SLC2A13: variants seen among roughly 807,000 people sequenced by gnomAD.
SLC2A13 encodes the protein proton myo-inositol cotransporter.
SLC2A13 carries 32 observed loss-of-function variants against 64.4 expected under a neutral mutation model. That is an observed-to-expected ratio of 0.50 (90% CI 0.37 to 0.67). SLC2A13 has a LOEUF of 0.67. Ranked by LOEUF, SLC2A13 falls within the 30% of genes least tolerant of loss-of-function variation. The probability of loss-of-function intolerance (pLI) is 0.00; values close to 1 mark genes in which losing one functional copy is unlikely to be tolerated. For synonymous variants in SLC2A13, 338 were observed against 327.1 expected (o/e 1.03, Z -0.36); for missense variants, 743 against 829.2 (o/e 0.90, Z 1.28).
chr12:40,005,823 G>A (rs1377050598), intron 3 of SLC2A13, among the ~76,000 whole-genome samples: 1 of 152,158 alleles, frequency 6.6e-6, no homozygotes, highest in Non-Finnish European at 1.5e-5. Flanking sequence ...GGGTATCCTG[G>A]AATCAAGCCC....
intron 5 of SLC2A13, among the ~76,000 whole-genome samples, chr12:39,869,866 C>T (rs1388859278): frequency 6.6e-6 from 1 of 152,194 alleles, no homozygotes; most frequent in Non-Finnish European, 1.5e-5. Context: ...ATGCTCAGAG[C>T]CCTTTACTCT....
chr12:40,028,550 C>A, intron 2 of SLC2A13, 41 bp from the exon 3 acceptor site: 1 of 1,600,754 alleles, frequency 6.2e-7, no homozygotes, highest in South Asian at 1.1e-5. Context: ...AAAATTTGCT[C>A]TTACCATCAT....
chr12:39,859,767 C>T (rs1943709484), intron 6 of SLC2A13, among the ~76,000 whole-genome samples: 2 of 152,074 alleles, frequency 1.3e-5, no homozygotes, highest in Admixed American at 1.3e-4. Flanking sequence ...CCTTGGTGAT[C>T]CGCCTGACTT....
At chr12:40,086,648 T>C (rs945847078) in intron 1 of SLC2A13, among the ~76,000 whole-genome samples, 3 of 152,180 alleles carry the variant, frequency 2.0e-5, no homozygotes, top group African/African-American at 7.2e-5. Flanking sequence ...GCAAATCAGT[T>C]ACAAATACGA....
chr12:39,815,799 T>C (rs550347478), intron 7 of SLC2A13, among the ~76,000 whole-genome samples: 2 of 152,320 alleles, frequency 1.3e-5, no homozygotes, highest in East Asian at 3.9e-4. Flanking sequence ...CAAATAAATG[T>C]TGTTTTAGTT....
chr12:39,852,925 A>G (rs1943508631), intron 6 of SLC2A13, among the ~76,000 whole-genome samples: 1 of 152,222 alleles, frequency 6.6e-6, no homozygotes, highest in South Asian at 2.1e-4. Context: ...TAAATAGCCA[A>G]TGGGAAACCT....
intron 7 of SLC2A13, among the ~76,000 whole-genome samples, chr12:39,822,463 T>C (rs1421042946): frequency 1.3e-5 from 2 of 152,222 alleles, no homozygotes; most frequent in African/African-American, 4.8e-5. Context: ...ATTTACTGTA[T>C]TGGCACCAGC....
At chr12:40,042,254 G>A (rs905867272) in intron 2 of SLC2A13, among the ~76,000 whole-genome samples, 1 of 151,742 alleles carries the variant, frequency 6.6e-6, no homozygotes, top group Non-Finnish European at 1.5e-5. Flanking sequence ...TTTTAAAGTA[G>A]ATCTAGGAAT....
intron 4 of SLC2A13, among the ~76,000 whole-genome samples, chr12:39,901,967 A>C (rs1945128351): frequency 6.6e-6 from 1 of 152,140 alleles, no homozygotes; most frequent in African/African-American, 2.4e-5. Context: ...GATAGACTGG[A>C]TTAAGAAAAT....
At chr12:40,040,637 C>T (rs1461397156) in intron 2 of SLC2A13, among the ~76,000 whole-genome samples, 1 of 152,146 alleles carries the variant, frequency 6.6e-6, no homozygotes, top group Non-Finnish European at 1.5e-5. Context: ...GGTGATCCAC[C>T]AGCTTTGGCC....
chr12:40,060,999 AATAAAG>A (rs1163667516), intron 1 of SLC2A13, among the ~76,000 whole-genome samples: 4 of 152,160 alleles, frequency 2.6e-5, no homozygotes, highest in African/African-American at 4.8e-5. Flanking sequence ...TATTATTCAG[AATAAAG>A]ATAAAGATAT....
chr12:40,007,145 G>T (rs1259215945), intron 3 of SLC2A13, among the ~76,000 whole-genome samples: 1 of 152,152 alleles, frequency 6.6e-6, no homozygotes, highest in Non-Finnish European at 1.5e-5. Flanking sequence ...TTGCTCTGTG[G>T]CTGAGAGAAG....
chr12:39,965,249 GATCAATACCAAAAATGAATTA>G (rs147222298), intron 3 of SLC2A13, among the ~76,000 whole-genome samples: 8,667 of 152,124 alleles, frequency 0.057, 381 homozygotes, highest in Middle Eastern at 0.14. Context: ...TCCCTTATGA[GATCAATACCAAAAATGAATTA>G]ATATTGAAAA....
intron 7 of SLC2A13, among the ~76,000 whole-genome samples, chr12:39,777,937 G>T (rs1199522210): frequency 2.0e-5 from 3 of 152,212 alleles, no homozygotes; most frequent in Non-Finnish European, 4.4e-5. Flanking sequence ...TAAGGCAGGG[G>T]TCTAATTGAG....
chr12:39,907,349 AATT>A (rs1236715843), intron 4 of SLC2A13, among the ~76,000 whole-genome samples: 7 of 152,128 alleles, frequency 4.6e-5, no homozygotes, highest in Admixed American at 1.3e-4. Context: ...TGATTTTCCT[AATT>A]TTCTCAATGA....
intron 7 of SLC2A13, among the ~76,000 whole-genome samples, chr12:39,780,808 C>A (rs574171348): frequency 6.6e-6 from 1 of 152,178 alleles, no homozygotes; most frequent in South Asian, 2.1e-4. Context: ...ATGATTTTCT[C>A]TGATACAGTC....
intron 4 of SLC2A13, among the ~76,000 whole-genome samples, chr12:39,924,184 A>G (rs1469829445): frequency 6.6e-6 from 1 of 152,180 alleles, no homozygotes; most frequent in African/African-American, 2.4e-5. Context: ...GGCCTTCCAG[A>G]AAGCCCAAAA....
At chr12:39,859,943 G>A (rs1217169771) in intron 6 of SLC2A13, among the ~76,000 whole-genome samples, 1 of 152,176 alleles carries the variant, frequency 6.6e-6, no homozygotes, top group Non-Finnish European at 1.5e-5. Flanking sequence ...GAGGTAATAT[G>A]CTAGGCATCA....
chr12:40,028,356 C>G lies in SLC2A13; in HGVS notation c.870G>C (p.Glu290Asp). The G allele has an allele frequency of 6.2e-7, 1 of 1,613,894 alleles. No individual in the cohort carries two copies. Among genetic ancestry groups the G allele is most frequent in the Non-Finnish European group, 8.5e-7 (1 of 1,179,958 alleles). ...TGTTGTTTTTGATGCTATCATATTC[C>G]TCATCAATGGTCTGGTTACCACGCA... The part of the protein sequence containing the change: ...SQMRGNQTID[E>D]EYDSIKNNIE... Residue 290 changes from glutamate (E) to aspartate (D), a missense_variant, in exon 3 of 10, where the codon GAG (glutamate) becomes GAC (aspartate). Physicochemically the swap from Glu to Asp is conservative, Grantham distance 45. Coordinates refer to ENST00000280871, the MANE Select transcript of SLC2A13 (RefSeq NM_052885.4).
Sources: allele counts gnomAD v4.1 joint callset (sites outside exome capture counted in the v4.1 genomes callset), GRCh38; gene constraint gnomAD v4.1.1; transcripts MANE v1.5; gene names NCBI Gene and HGNC (gene_info 2026-07-23, HGNC 2026-07-21).